IMMP2L: variants seen among roughly 807,000 people sequenced by gnomAD.
The protein encoded by IMMP2L is mitochondrial inner membrane protease subunit 2.
Under a neutral mutation model 19.3 loss-of-function variants are expected in IMMP2L, and 18 were observed. That is an observed-to-expected ratio of 0.93 (90% CI 0.64 to 1.38). The LOEUF (loss-of-function observed/expected upper bound fraction) is 1.38. Among genes scored for constraint, IMMP2L ranks in the 40% most tolerant of loss-of-function variants. The pLI is 0.00. For missense variants in IMMP2L, 233 were observed against 218.2 expected, an observed-to-expected ratio of 1.07 and a Z score of -0.43; for synonymous variants, 76 against 73.0, an observed-to-expected ratio of 1.04 and a Z score of -0.21.
intron 3 of IMMP2L, among the ~76,000 whole-genome samples, chr7:111,065,942 G>C (rs935723293): frequency 1.1e-4 from 17 of 150,702 alleles, no homozygotes; most frequent in African/African-American, 1.7e-4. Context: ...GCGCACGCTT[G>C]GTTGGTTGGC....
chr7:111,145,879 T>A (rs1255843931), intron 3 of IMMP2L, among the ~76,000 whole-genome samples: 2 of 152,112 alleles, frequency 1.3e-5, no homozygotes, highest in Non-Finnish European at 2.9e-5. Context: ...ATTGTGCTGT[T>A]AAAGGCAAAT....
At chr7:111,393,439 C>T (rs1391491576) in intron 3 of IMMP2L, among the ~76,000 whole-genome samples, 4 of 152,158 alleles carry the variant, frequency 2.6e-5, no homozygotes, top group Non-Finnish European at 5.9e-5. Flanking sequence ...CCTCCTTCCT[C>T]AAGTTTTGCA....
At chr7:111,038,047 A>T (rs1791521250) in intron 3 of IMMP2L, among the ~76,000 whole-genome samples, 1 of 152,156 alleles carries the variant, frequency 6.6e-6, no homozygotes, top group Admixed American at 6.5e-5. Context: ...ATAGTGAAAT[A>T]TTGACCGCAC....
chr7:110,925,649 A>G (rs1814765239), intron 4 of IMMP2L, among the ~76,000 whole-genome samples: 1 of 152,098 alleles, frequency 6.6e-6, no homozygotes, highest in Non-Finnish European at 1.5e-5. Flanking sequence ...GAATTTGGCT[A>G]TTAAGTAGTC....
At chr7:111,494,798 A>G (rs1219722953) in intron 2 of IMMP2L, among the ~76,000 whole-genome samples, 1 of 152,142 alleles carries the variant, frequency 6.6e-6, no homozygotes, top group Admixed American at 6.5e-5. Context: ...CAATAACAAA[A>G]TAAAGGGAAA....
chr7:111,010,689 G>C (rs1285334205), intron 3 of IMMP2L, among the ~76,000 whole-genome samples: 1 of 152,068 alleles, frequency 6.6e-6, no homozygotes, highest in Admixed American at 6.6e-5. Flanking sequence ...ATGAGATTCT[G>C]AAGGTCAAAG....
chr7:110,693,303 G>A (rs1246788809), intron 5 of IMMP2L, among the ~76,000 whole-genome samples: 2 of 152,122 alleles, frequency 1.3e-5, no homozygotes, highest in Non-Finnish European at 2.9e-5. Context: ...AACCACTCTG[G>A]TCTGAGACAC....
At chr7:111,242,609 T>C (rs1047127067) in intron 3 of IMMP2L, among the ~76,000 whole-genome samples, 2 of 152,088 alleles carry the variant, frequency 1.3e-5, no homozygotes, top group Admixed American at 6.6e-5. Flanking sequence ...GAGCTATTCA[T>C]AGCACACAAA....
chr7:111,010,676 T>A (rs1183490397), intron 3 of IMMP2L, among the ~76,000 whole-genome samples: 2 of 152,070 alleles, frequency 1.3e-5, no homozygotes, highest in Non-Finnish European at 2.9e-5. Context: ...TTGTGGACAT[T>A]TGATGAGATT....
intron 5 of IMMP2L, among the ~76,000 whole-genome samples, chr7:110,700,785 A>C (rs1794229481): frequency 6.6e-6 from 1 of 152,206 alleles, no homozygotes; most frequent in African/African-American, 2.4e-5. Context: ...CCACTCATTA[A>C]TTCTAAGAAA....
chr7:110,965,118 T>C (rs1819397621), intron 3 of IMMP2L, among the ~76,000 whole-genome samples: 1 of 152,078 alleles, frequency 6.6e-6, no homozygotes. Flanking sequence ...TAACTCTATC[T>C]TAATATGGTC....
At chr7:110,862,461 C>T (rs932624920) in intron 5 of IMMP2L, among the ~76,000 whole-genome samples, 1 of 151,206 alleles carries the variant, frequency 6.6e-6, no homozygotes. Context: ...CACATCAGAC[C>T]CCGAGCAGCT....
At chr7:110,674,197 C>T (rs1027948747) in intron 5 of IMMP2L, among the ~76,000 whole-genome samples, 11 of 152,118 alleles carry the variant, frequency 7.2e-5, no homozygotes, top group African/African-American at 2.7e-4. Flanking sequence ...GGAGAAATGT[C>T]AAGCAAAAGG....
At chr7:110,969,827 A>G (rs1364378549) in intron 3 of IMMP2L, among the ~76,000 whole-genome samples, 1 of 152,122 alleles carries the variant, frequency 6.6e-6, no homozygotes, top group African/African-American at 2.4e-5. Flanking sequence ...AGAATCTTTC[A>G]GGACACTGGA....
chr7:111,126,717 C>T (rs1033974787), intron 3 of IMMP2L, among the ~76,000 whole-genome samples: 3 of 152,096 alleles, frequency 2.0e-5, no homozygotes, highest in African/African-American at 2.4e-5. Flanking sequence ...AACAAACCCC[C>T]ACAGTCCTGC....
At chr7:110,965,893 A>G (rs1819493293) in intron 3 of IMMP2L, among the ~76,000 whole-genome samples, 1 of 152,094 alleles carries the variant, frequency 6.6e-6, no homozygotes, top group African/African-American at 2.4e-5. Context: ...ATAACACAAT[A>G]TCAAGATTTT....
chr7:111,426,798 G>A (rs1836119390), intron 3 of IMMP2L, among the ~76,000 whole-genome samples: 1 of 151,106 alleles, frequency 6.6e-6, no homozygotes, highest in South Asian at 2.1e-4. Context: ...TATCTCACAT[G>A]CTTAACGTGA....
chr7:110,949,777 C>T (rs1280724686), intron 4 of IMMP2L, among the ~76,000 whole-genome samples: 1 of 151,926 alleles, frequency 6.6e-6, no homozygotes, highest in Non-Finnish European at 1.5e-5. Flanking sequence ...CAATTTCTTG[C>T]CAACACGTCG....
chr7:111,040,677 A>C (rs1563185206), intron 3 of IMMP2L, among the ~76,000 whole-genome samples: 1 of 149,602 alleles, frequency 6.7e-6, no homozygotes, highest in African/African-American at 2.4e-5. Flanking sequence ...AAGGCAAAGA[A>C]AGAGAGTAAG....
Sources: allele counts gnomAD v4.1 joint callset (sites outside exome capture counted in the v4.1 genomes callset), GRCh38; gene constraint gnomAD v4.1.1; transcripts MANE v1.5; gene names NCBI Gene and HGNC (gene_info 2026-07-23, HGNC 2026-07-21).